The following TNFRSF11A variants were observed in gnomAD, a reference collection of about 807,000 sequenced individuals.
TNFRSF11A encodes TNF receptor superfamily member 11a.
A neutral mutation model predicts 55.7 loss-of-function variants in TNFRSF11A; 32 were observed. The ratio of observed to expected loss-of-function variants is 0.57; its 90% CI spans 0.43 to 0.77. The LOEUF (loss-of-function observed/expected upper bound fraction) is 0.77. TNFRSF11A is among the 30% of genes least tolerant of loss of function. TNFRSF11A has a pLI of 0.00. For missense variants in TNFRSF11A, 753 were observed against 809.8 expected (o/e 0.93, Z 0.85); for synonymous variants, 311 against 331.0 (o/e 0.94, Z 0.65).
chr18:62,370,892 C>T (rs1057401455), intron 9 of TNFRSF11A, among the ~76,000 whole-genome samples: 32 of 151,522 alleles, frequency 2.1e-4, no homozygotes, highest in African/African-American at 7.5e-4. Context: ...TGCAGTGGCG[C>T]GATCTCGGCT....
Position 62,385,219 on chromosome 18 carries a change from T to C in TNFRSF11A, c.*185T>C. 1 of 624,480 alleles carries C rather than the reference T, an allele frequency of 1.6e-6. No individual in the cohort carries two copies. The allele number at this position is 624,480 out of a possible 1,614,324, so 38.7% of individuals were successfully genotyped here. ...TCAGGAAGTGAATTGATGAGGACTGTCCCCATGCCCACGGATGCTCAGCAG... is the reference window on the plus strand; with the variant it reads ...TCAGGAAGTGAATTGATGAGGACTGCCCCCATGCCCACGGATGCTCAGCAG... On this transcript the variant is annotated 3_prime_UTR_variant, in exon 10 of 10. Transcript: ENST00000586569.
chr18:62,334,572 T>C (rs1303933515), intron 1 of TNFRSF11A, among the ~76,000 whole-genome samples: 2 of 152,234 alleles, frequency 1.3e-5, no homozygotes, highest in African/African-American at 4.8e-5. Flanking sequence ...TAGGTAGTTA[T>C]ATTTTTAAAG....
At chr18:62,377,649 T>C (rs1910990157) in intron 9 of TNFRSF11A, among the ~76,000 whole-genome samples, 1 of 152,212 alleles carries the variant, frequency 6.6e-6, no homozygotes, top group African/African-American at 2.4e-5. Flanking sequence ...ACATATGATG[T>C]GGAGCATCTT....
chr18:62,380,564 G>A (rs1284279540), intron 9 of TNFRSF11A, among the ~76,000 whole-genome samples: 1 of 150,856 alleles, frequency 6.6e-6, no homozygotes, highest in Non-Finnish European at 1.5e-5. Context: ...AGCCTCCCGA[G>A]TAGCTGGGAC....
At position 62,346,832 on chromosome 18, in the gene TNFRSF11A, G is replaced by A. The variant is rs895706091; in HGVS notation, c.76-1336G>A. ...CATATTATCTCTGCGCCCTCCATCC[G>A]AGCACTTTCATATGCAGATGAAGCC... On this transcript the variant is annotated intron_variant, in intron 1 of 9. Transcript: ENST00000586569. 2.6e-5 allele frequency among the ~76,000 whole-genome samples: 4 copies of A among 152,072 alleles called. No individual in the cohort carries two copies. The East Asian group carries it at 5.8e-4, about 22-fold the overall frequency.
chr18:62,367,788 CTTTTT>C (rs67721371), intron 8 of TNFRSF11A, among the ~76,000 whole-genome samples: 1 of 78,672 alleles, frequency 1.3e-5, no homozygotes, highest in African/African-American at 5.1e-5. Flanking sequence ...TCTTCTTCTT[CTTTTT>C]TTTTTTTTTT....
Position 62,389,340 on chromosome 18 carries a change from G to A in TNFRSF11A, c.*4306G>A, listed in dbSNP as rs1911907338. On this transcript the variant is annotated 3_prime_UTR_variant, in exon 10 of 10. Coordinates refer to ENST00000586569, the MANE Select transcript of TNFRSF11A (RefSeq NM_003839.4). The stretch of plus-strand genomic sequence containing the variant: ...CAGAGAAGAGGAGGGACCTGACACT[G>A]GGCAGTGGCGGTGCCAGCAGTGAGC... The A allele has an allele frequency of 6.6e-6, 1 of 152,350 alleles. No homozygotes were observed. Among genetic ancestry groups the A allele is most frequent in the Admixed American group, 6.5e-5 (1 of 15,282 alleles). The allele number at this position is 152,350 out of a possible 1,614,324, so 9.4% of individuals were successfully genotyped here.
intron 7 of TNFRSF11A, among the ~76,000 whole-genome samples, chr18:62,365,411 G>A (rs1421392838): frequency 1.3e-5 from 2 of 152,198 alleles, no homozygotes; most frequent in Admixed American, 6.5e-5. Context: ...AGTGGGTGGA[G>A]ATGTACTTTT....
intron 9 of TNFRSF11A, among the ~76,000 whole-genome samples, chr18:62,378,726 G>C (rs1000175246): frequency 1.3e-5 from 2 of 152,148 alleles, no homozygotes; most frequent in African/African-American, 4.8e-5. Context: ...ATATTTGCTT[G>C]CTCTACGCAG....
rs1490268835 is a variant in TNFRSF11A, at chr18:62,325,761, G to T, written c.75+334G>T. 6.6e-6 allele frequency among the ~76,000 whole-genome samples: 1 copy of T among 152,228 alleles called. No homozygotes were observed. Among genetic ancestry groups the T allele is most frequent in the East Asian group, 1.9e-4 (1 of 5,188 alleles). On this transcript the variant is annotated intron_variant, in intron 1 of 9. Coordinates refer to ENST00000586569, the MANE Select transcript of TNFRSF11A (RefSeq NM_003839.4). This position sits in a 1 kb window ranked among gnomAD's most constrained non-coding sequence, Gnocchi z 4.7. ...TGAGCACCTACTAAGCGCTTGCGCC[G>T]GGCGGTGCCGCGGGAGACAGCGCCG...
intron 1 of TNFRSF11A, among the ~76,000 whole-genome samples, chr18:62,334,295 G>A (rs534429391): frequency 1.3e-5 from 2 of 152,312 alleles, no homozygotes; most frequent in African/African-American, 4.8e-5. Flanking sequence ...GAAAAGAAGT[G>A]TATGTCTTGA....
At chr18:62,361,826 T>C in intron 7 of TNFRSF11A, 33 bp downstream of exon 7, 2 of 1,550,196 alleles carry the variant, frequency 1.3e-6, no homozygotes, top group Non-Finnish European at 1.8e-6. Context: ...TGCAAACCAA[T>C]CTTAAAAGAT....
At chr18:62,370,195 A>G (rs750368651) in intron 9 of TNFRSF11A, among the ~76,000 whole-genome samples, 13 of 152,186 alleles carry the variant, frequency 8.5e-5, no homozygotes, top group Non-Finnish European at 1.6e-4. Context: ...ACTTTTTCCC[A>G]TGAGGGTAAA....
At chr18:62,373,910 T>C (rs1910723924) in intron 9 of TNFRSF11A, 1 of 152,282 alleles carries the variant, frequency 6.6e-6, no homozygotes, top group South Asian at 2.1e-4. Context: ...CCATTTCCAT[T>C]CTGAGAGTAC....
intron 5 of TNFRSF11A, among the ~76,000 whole-genome samples, 187 bp downstream of exon 5, chr18:62,358,528 C>A (rs1909438787): frequency 6.6e-6 from 1 of 152,152 alleles, no homozygotes; most frequent in African/African-American, 2.4e-5. Flanking sequence ...ATTCTTCAGC[C>A]CTATGTGTGA....
chr18:62,375,818 T>C (rs1027485436), intron 9 of TNFRSF11A, among the ~76,000 whole-genome samples: 5 of 151,994 alleles, frequency 3.3e-5, no homozygotes, highest in Admixed American at 1.3e-4. Flanking sequence ...CTGGGCAACA[T>C]AGACCTCTTC....
intron 6 of TNFRSF11A, among the ~76,000 whole-genome samples, chr18:62,360,324 A>G (rs1180600805): frequency 6.6e-6 from 1 of 152,208 alleles, no homozygotes; most frequent in African/African-American, 2.4e-5. Context: ...ATGCTCAGAC[A>G]TGGTGGGATG....
At chr18:62,351,001 TC>T (rs369546247) in intron 3 of TNFRSF11A, among the ~76,000 whole-genome samples, 1 of 142,396 alleles carries the variant, frequency 7.0e-6, no homozygotes, top group African/African-American at 2.6e-5. Context: ...CTTTTTTCTT[TC>T]TTTTTTTTTT....
intron 9 of TNFRSF11A, among the ~76,000 whole-genome samples, chr18:62,375,153 C>T (rs547688515): frequency 2.0e-5 from 3 of 151,194 alleles, no homozygotes; most frequent in Admixed American, 1.3e-4. Context: ...TGAGCTCAAA[C>T]GGATCCACAC....
Sources: gnomAD v4.1 joint callset for allele counts (sites outside exome capture counted in the v4.1 genomes callset) on GRCh38, gnomAD v4.1.1 for gene constraint, Gnocchi (gnomAD v3.1) non-coding constraint, MANE v1.5 for transcripts, NCBI Gene and HGNC (gene_info 2026-07-23, HGNC 2026-07-21) for gene names.